Variants in NKAIN3 observed in about 807,000 individuals in gnomAD.
The protein encoded by NKAIN3 is sodium/potassium-transporting ATPase subunit beta-1-interacting protein 3.
A neutral mutation model predicts 30.2 loss-of-function variants in NKAIN3; 25 were observed. The ratio of observed to expected loss-of-function variants is 0.83; its 90% CI spans 0.60 to 1.16. The LOEUF is 1.16. NKAIN3 is among the 50% of genes most tolerant of loss of function. The pLI is 0.00. For missense variants in NKAIN3, 225 were observed against 254.1 expected, an observed-to-expected ratio of 0.89 and a Z score of 0.78; for synonymous variants, 91 against 89.6, an observed-to-expected ratio of 1.02 and a Z score of -0.09.
intron 1 of NKAIN3, among the ~76,000 whole-genome samples, chr8:62,469,235 T>C (rs1806250931): frequency 6.6e-6 from 1 of 152,182 alleles, no homozygotes; most frequent in African/African-American, 2.4e-5. Flanking sequence ...TAATCTTGAA[T>C]AATAATGGCA....
At chr8:62,787,199 A>T (rs1169547503) in intron 4 of NKAIN3, among the ~76,000 whole-genome samples, 1 of 152,196 alleles carries the variant, frequency 6.6e-6, no homozygotes, top group Non-Finnish European at 1.5e-5. Flanking sequence ...AGCAATAAAT[A>T]TATTTCATTT....
At position 62,579,164 on chromosome 8, in the gene NKAIN3, T is replaced by C. The variant is rs184398019; in HGVS notation, c.55-375T>C. ...TAAGACATCACATGTACCCCATAAA[T>C]ATATATACCTATGATGTACCCCTCA... is the stretch of plus-strand genomic sequence containing the variant. On this transcript the variant is annotated intron_variant, in intron 1 of 6. Transcript: ENST00000623646. Among the ~76,000 whole-genome samples, 109 of 152,098 alleles carry C rather than the reference T, an allele frequency of 7.2e-4. 1 individual carries two copies. The Middle Eastern group carries it at 0.02, about 28-fold the overall frequency.
chr8:62,631,118 C>A (rs1487410832), intron 3 of NKAIN3, among the ~76,000 whole-genome samples: 1 of 152,142 alleles, frequency 6.6e-6, no homozygotes, highest in Non-Finnish European at 1.5e-5. Context: ...GCCAACACCT[C>A]TCCGCTGTCA....
intron 4 of NKAIN3, among the ~76,000 whole-genome samples, chr8:62,763,198 G>A (rs1816722928): frequency 8.5e-6 from 1 of 117,798 alleles, no homozygotes; most frequent in African/African-American, 3.3e-5. Context: ...TCCAGCCTGG[G>A]CAACAAGTGC....
intron 1 of NKAIN3, among the ~76,000 whole-genome samples, chr8:62,358,237 A>AT (rs1342389843): frequency 2.1e-5 from 2 of 94,922 alleles, no homozygotes; most frequent in African/African-American, 4.1e-5. Flanking sequence ...ATGATCTTAT[A>AT]CCTTTTTTTT....
At chr8:62,622,827 C>G (rs1462682769) in intron 3 of NKAIN3, among the ~76,000 whole-genome samples, 1 of 151,906 alleles carries the variant, frequency 6.6e-6, no homozygotes, top group Non-Finnish European at 1.5e-5. Context: ...GATGTCAAGT[C>G]TAAGAACTCT....
At chr8:62,373,055 A>T (rs1488048993) in intron 1 of NKAIN3, among the ~76,000 whole-genome samples, 1 of 152,136 alleles carries the variant, frequency 6.6e-6, no homozygotes, top group African/African-American at 2.4e-5. Context: ...TAGAAAGTTA[A>T]CTTGAGAAAA....
intron 1 of NKAIN3, among the ~76,000 whole-genome samples, chr8:62,379,643 A>G (rs1321165827): frequency 6.6e-6 from 1 of 152,146 alleles, no homozygotes; most frequent in African/African-American, 2.4e-5. Context: ...CTCTTCTGCC[A>G]TCCTGTAAAG....
intron 4 of NKAIN3, among the ~76,000 whole-genome samples, chr8:62,913,885 A>G (rs1473385653): frequency 6.6e-6 from 1 of 152,214 alleles, no homozygotes; most frequent in Non-Finnish European, 1.5e-5. Context: ...CTGTTTATAC[A>G]CTTTTGGTGG....
chr8:62,597,770 C>T (rs1201055278), intron 3 of NKAIN3, among the ~76,000 whole-genome samples: 1 of 151,934 alleles, frequency 6.6e-6, no homozygotes, highest in East Asian at 1.9e-4. Flanking sequence ...TATCTCTCTG[C>T]AATCCAGTCT....
At chr8:62,631,368 C>T (rs1218904690) in intron 3 of NKAIN3, among the ~76,000 whole-genome samples, 2 of 152,164 alleles carry the variant, frequency 1.3e-5, no homozygotes, top group Non-Finnish European at 2.9e-5. Context: ...GTGAGGGATG[C>T]TGTCCTTCAC....
At chr8:62,924,121 C>G (rs1822367332) in intron 5 of NKAIN3, among the ~76,000 whole-genome samples, 1 of 152,176 alleles carries the variant, frequency 6.6e-6, no homozygotes, top group Non-Finnish European at 1.5e-5. Flanking sequence ...TCTCCTCCCT[C>G]CCCAACCTCC....
intron 3 of NKAIN3, among the ~76,000 whole-genome samples, chr8:62,596,886 A>C (rs1378965195): frequency 6.6e-6 from 1 of 152,092 alleles, no homozygotes; most frequent in Non-Finnish European, 1.5e-5. Context: ...TAAGAGTTGC[A>C]CAAGTGCACA....
At chr8:62,317,344 T>A (rs1814676409) in intron 1 of NKAIN3, among the ~76,000 whole-genome samples, 1 of 152,198 alleles carries the variant, frequency 6.6e-6, no homozygotes, top group Non-Finnish European at 1.5e-5. Flanking sequence ...CATGAAGTCC[T>A]TGCCCATGCC....
At chr8:62,784,586 G>A (rs1460121990) in intron 4 of NKAIN3, among the ~76,000 whole-genome samples, 1 of 151,932 alleles carries the variant, frequency 6.6e-6, no homozygotes, top group Non-Finnish European at 1.5e-5. Flanking sequence ...AATTTTGAAT[G>A]TACTGAAAAA....
chr8:62,451,033 A>G (rs547622706), intron 1 of NKAIN3, among the ~76,000 whole-genome samples: 2 of 152,308 alleles, frequency 1.3e-5, no homozygotes, highest in East Asian at 3.9e-4. Flanking sequence ...ATGTTTTAAC[A>G]TTAATTTTTT....
chr8:62,808,524 G>T (rs763128775), intron 4 of NKAIN3, among the ~76,000 whole-genome samples: 3 of 152,046 alleles, frequency 2.0e-5, no homozygotes, highest in Admixed American at 1.3e-4. Flanking sequence ...AGTGTCGACC[G>T]GTCTGAGAAA....
At chr8:62,783,950 T>C (rs745587816) in intron 4 of NKAIN3, among the ~76,000 whole-genome samples, 2 of 151,968 alleles carry the variant, frequency 1.3e-5, no homozygotes, top group Non-Finnish European at 2.9e-5. Context: ...TGGCCCAGAA[T>C]ACACATTTTT....
chr8:62,870,710 T>G (rs1176230184), intron 4 of NKAIN3, among the ~76,000 whole-genome samples: 1 of 140,684 alleles, frequency 7.1e-6, no homozygotes, highest in African/African-American at 2.9e-5. Context: ...TATCTATATA[T>G]CTATATCTCT....
Sources: allele counts gnomAD v4.1 joint callset (sites outside exome capture counted in the v4.1 genomes callset), GRCh38; gene constraint gnomAD v4.1.1; transcripts MANE v1.5; gene names NCBI Gene and HGNC (gene_info 2026-07-23, HGNC 2026-07-21).